DPP10: variants seen among roughly 807,000 people sequenced by gnomAD.
The protein encoded by DPP10 is dipeptidyl peptidase like 10, also known as inactive dipeptidyl peptidase 10.
A neutral mutation model predicts 120.9 loss-of-function variants in DPP10; 33 were observed. The observed-to-expected ratio is 0.27, with a 90% CI of 0.21 to 0.37. The LOEUF (loss-of-function observed/expected upper bound fraction) is 0.37, where lower values mean the gene tolerates loss of function less well. DPP10 is among the 10% of genes least tolerant of loss of function. The pLI is 1.00. For synonymous variants in DPP10, 337 were observed against 326.1 expected, an observed-to-expected ratio of 1.03 and a Z score of -0.36; for missense variants, 816 against 942.8, an observed-to-expected ratio of 0.87 and a Z score of 1.76.
chr2:115,524,830 T>G (rs1054090930), intron 4 of DPP10, among the ~76,000 whole-genome samples: 1 of 152,104 alleles, frequency 6.6e-6, no homozygotes, highest in South Asian at 2.1e-4. Flanking sequence ...TTTAGGAAAT[T>G]TCAAGGGTTT....
Position 114,554,116 on chromosome 2 carries a change from A to G in DPP10, c.60+111278A>G, listed in dbSNP as rs1032517416. Reference sequence around the variant, plus strand: ...ATAATTGCTAAAGGAGATTTGAGTAATTAAAAGGGGTCCGGGTTGATCTAT... The same window carrying G: ...ATAATTGCTAAAGGAGATTTGAGTAGTTAAAAGGGGTCCGGGTTGATCTAT... On this transcript the variant is annotated intron_variant, in intron 1 of 25. Transcript: ENST00000410059. Among the ~76,000 whole-genome samples, 16 of 152,208 alleles carry G rather than the reference A, an allele frequency of 1.1e-4. 1 individual carries two copies. Among genetic ancestry groups the G allele is most frequent in the Non-Finnish European group, 7.3e-5 (5 of 68,034 alleles).
chr2:115,306,292 C>T lies in DPP10; in HGVS notation c.61-2947C>T, dbSNP rs542579442. On this transcript the variant is annotated intron_variant, in intron 1 of 25. Coordinates refer to ENST00000410059, the MANE Select transcript of DPP10 (RefSeq NM_020868.6). ...TTTGAGCAGGATGTTGAATGACTGA[C>T]AGTGTCTATAACTGGATGCATATGA... is the stretch of plus-strand genomic sequence containing the variant. Among the ~76,000 whole-genome samples the T allele has an allele frequency of 1.1e-4, 16 of 152,038 alleles. 1 individual carries two copies. The highest frequency in any genetic ancestry group is 1.0e-3 in the South Asian group (5 of 4,816).
intron 5 of DPP10, among the ~76,000 whole-genome samples, chr2:115,554,876 C>T (rs2149020576): frequency 6.6e-6 from 1 of 152,146 alleles, no homozygotes; most frequent in South Asian, 2.1e-4. Context: ...GCAACCTCTG[C>T]CTGTTTTACT....
At chr2:114,987,804 C>CTTTTTTT (rs59203543) in intron 1 of DPP10, among the ~76,000 whole-genome samples, 3 of 101,036 alleles carry the variant, frequency 3.0e-5, no homozygotes, top group Admixed American at 1.4e-4. Flanking sequence ...TGGAGACTGT[C>CTTTTTTT]TTTTTTTTTT....
intron 1 of DPP10, among the ~76,000 whole-genome samples, chr2:115,260,655 A>C (rs923841973): frequency 1.3e-5 from 2 of 152,216 alleles, no homozygotes; most frequent in Non-Finnish European, 2.9e-5. Flanking sequence ...TATCCTAACT[A>C]TAGTAGTCTG....
intron 12 of DPP10, among the ~76,000 whole-genome samples, chr2:115,764,231 A>C (rs1680451510): frequency 2.0e-5 from 3 of 152,126 alleles, no homozygotes; most frequent in Admixed American, 2.0e-4. Flanking sequence ...AATATGTAAG[A>C]AGAGCTTAAT....
At chr2:115,368,437 A>G (rs1383977351) in intron 3 of DPP10, among the ~76,000 whole-genome samples, 1 of 152,100 alleles carries the variant, frequency 6.6e-6, no homozygotes, top group Non-Finnish European at 1.5e-5. Context: ...AAGATTCAGT[A>G]TTATTTTACT....
chr2:115,213,551 T>A (rs1189305056), intron 1 of DPP10, among the ~76,000 whole-genome samples: 1 of 152,134 alleles, frequency 6.6e-6, no homozygotes, highest in African/African-American at 2.4e-5. Context: ...TCTTTTCTAT[T>A]TATTTGTTCC....
intron 1 of DPP10, among the ~76,000 whole-genome samples, chr2:115,077,388 A>G (rs1268848031): frequency 6.6e-6 from 1 of 152,226 alleles, no homozygotes; most frequent in Non-Finnish European, 1.5e-5. Context: ...AGAGGGATAC[A>G]TAAAATTCTG....
chr2:115,070,377 A>AAT (rs1217247678), intron 1 of DPP10, among the ~76,000 whole-genome samples: 1 of 152,190 alleles, frequency 6.6e-6, no homozygotes, highest in Non-Finnish European at 1.5e-5. Flanking sequence ...TCTTTGATCA[A>AAT]TGTTCAGAAC....
chr2:114,500,336 A>G (rs1452284960), intron 1 of DPP10, among the ~76,000 whole-genome samples: 2 of 152,252 alleles, frequency 1.3e-5, no homozygotes, highest in African/African-American at 4.8e-5. Flanking sequence ...TACATGTAAT[A>G]CACATTTACC....
intron 1 of DPP10, among the ~76,000 whole-genome samples, chr2:114,746,604 A>T (rs901822883): frequency 6.6e-6 from 1 of 152,306 alleles, no homozygotes; most frequent in Non-Finnish European, 1.5e-5. Context: ...GCCTAGGGTG[A>T]TTGCAGGGAT....
At chr2:115,219,705 T>C (rs1439617267) in intron 1 of DPP10, among the ~76,000 whole-genome samples, 2 of 152,304 alleles carry the variant, frequency 1.3e-5, no homozygotes, top group East Asian at 1.9e-4. Flanking sequence ...AATAAAATAA[T>C]GTTAAATATT....
At chr2:114,510,861 TCAAACA>T (rs1323981737) in intron 1 of DPP10, among the ~76,000 whole-genome samples, 1 of 152,222 alleles carries the variant, frequency 6.6e-6, no homozygotes, top group Non-Finnish European at 1.5e-5. Context: ...AATTGTACAC[TCAAACA>T]CAAATCTAGA....
chr2:115,199,530 T>C lies in DPP10; in HGVS notation c.61-109709T>C, dbSNP rs372625024. On this transcript the variant is annotated intron_variant, in intron 1 of 25. Coordinates refer to ENST00000410059, the MANE Select transcript of DPP10 (RefSeq NM_020868.6). ...TTGAACTACTAGTTCTTGGTTTGAA[T>C]GTAACAAATTCCTGGGAGGCCCGTT... Among the ~76,000 whole-genome samples, 429 of 152,240 alleles carry C rather than the reference T, an allele frequency of 2.8e-3. 2 individuals carry two copies. The highest frequency in any genetic ancestry group is 0.01 in the African/African-American group (419 of 41,550).
At chr2:115,447,238 C>T (rs536955135) in intron 3 of DPP10, among the ~76,000 whole-genome samples, 1 of 152,312 alleles carries the variant, frequency 6.6e-6, no homozygotes, top group East Asian at 1.9e-4. Context: ...CAATTTCTCC[C>T]ATTTGAAATG....
chr2:114,537,037 G>A (rs906928828), intron 1 of DPP10, among the ~76,000 whole-genome samples: 2 of 152,132 alleles, frequency 1.3e-5, no homozygotes, highest in African/African-American at 4.8e-5. Context: ...CCTATGGATG[G>A]GAGATTTCAT....
intron 5 of DPP10, among the ~76,000 whole-genome samples, chr2:115,617,168 G>C (rs1403546028): frequency 6.7e-6 from 1 of 149,222 alleles, no homozygotes; most frequent in East Asian, 2.0e-4. Flanking sequence ...TTATACAGTA[G>C]TTACCCCCTT....
chr2:115,032,158 T>C (rs1200671666), intron 1 of DPP10, among the ~76,000 whole-genome samples: 5 of 150,060 alleles, frequency 3.3e-5, no homozygotes, highest in Admixed American at 6.8e-5. Flanking sequence ...CTGGAATCCA[T>C]TTTTTTTCCT....
Sources: gnomAD v4.1 joint callset for allele counts (sites outside exome capture counted in the v4.1 genomes callset) on GRCh38, gnomAD v4.1.1 for gene constraint, MANE v1.5 for transcripts, NCBI Gene and HGNC (gene_info 2026-07-23, HGNC 2026-07-21) for gene names.